HMGA2: variants seen among roughly 807,000 people sequenced by gnomAD.
HMGA2 encodes the protein high mobility group protein HMGI-C.
HMGA2 carries 8 observed loss-of-function variants against 19.1 expected under a neutral mutation model. The ratio of observed to expected loss-of-function variants is 0.42; its 90% CI spans 0.25 to 0.76. HMGA2 has a LOEUF of 0.76. Among genes scored for constraint, HMGA2 ranks in the 30% least tolerant of loss-of-function variants. The probability of loss-of-function intolerance (pLI) is 0.28; values close to 1 mark genes in which losing one functional copy is unlikely to be tolerated. For missense variants in HMGA2, 109 were observed against 136.3 expected, an observed-to-expected ratio of 0.80 and a Z score of 1.00; for synonymous variants, 60 against 48.8, an observed-to-expected ratio of 1.23 and a Z score of -0.96.
intron 3 of HMGA2, among the ~76,000 whole-genome samples, chr12:65,932,894 A>G (rs1337005292): frequency 6.6e-6 from 1 of 152,318 alleles, no homozygotes; most frequent in East Asian, 1.9e-4. Context: ...TATAAAAAAC[A>G]ATTATTGCAA....
chr12:65,932,375 AAGCATC>A (rs1875745504), intron 3 of HMGA2, among the ~76,000 whole-genome samples: 2 of 152,266 alleles, frequency 1.3e-5, no homozygotes, highest in African/African-American at 4.8e-5. Flanking sequence ...TTGTTAACAT[AAGCATC>A]ACTAGACTTG....
intron 3 of HMGA2, among the ~76,000 whole-genome samples, chr12:65,846,186 C>T (rs1229322956): frequency 6.6e-6 from 1 of 152,208 alleles, no homozygotes; most frequent in Non-Finnish European, 1.5e-5. Flanking sequence ...TTCATTCTTA[C>T]AATAAACGTG....
chr12:65,958,985 TC>T (rs1416898601), intron 4 of HMGA2: 1 of 152,228 alleles, frequency 6.6e-6, no homozygotes, highest in African/African-American at 2.4e-5. Flanking sequence ...CATTTAGAAT[TC>T]ACTGGCCTCT....
chr12:65,929,056 G>A (rs1037469403), intron 3 of HMGA2, among the ~76,000 whole-genome samples: 1 of 152,060 alleles, frequency 6.6e-6, no homozygotes. Flanking sequence ...CAAACTTTTA[G>A]AATCGCAATT....
intron 3 of HMGA2, among the ~76,000 whole-genome samples, chr12:65,883,154 A>G (rs1014162585): frequency 1.3e-5 from 2 of 152,234 alleles, no homozygotes; most frequent in African/African-American, 4.8e-5. Flanking sequence ...ACTTCCTAAG[A>G]GGCTGAAGGC....
At chr12:65,898,428 C>T (rs976631407) in intron 3 of HMGA2, among the ~76,000 whole-genome samples, 1 of 152,110 alleles carries the variant, frequency 6.6e-6, no homozygotes, top group Non-Finnish European at 1.5e-5. Flanking sequence ...TTCCCAGCCT[C>T]AAGGAAATCT....
intron 3 of HMGA2, among the ~76,000 whole-genome samples, chr12:65,940,438 C>T (rs2121290986): frequency 6.6e-6 from 1 of 152,156 alleles, no homozygotes; most frequent in Non-Finnish European, 1.5e-5. Flanking sequence ...TAGAAACATT[C>T]TTTTGAACTA....
rs552619480 is a variant in HMGA2, at chr12:65,828,009, C to T, written c.120C>T (p.Thr40=). 4 of 1,612,364 alleles carry T rather than the reference C, an allele frequency of 2.5e-6. No individual in the cohort carries two copies. Among genetic ancestry groups the T allele is most frequent in the Middle Eastern group, 1.7e-4 (1 of 6,058 alleles). ...TTTTCCCTCACAATTAGGAACCAAC[C>T]GGTGAGCCCTCTCCTAAGAGACCCA... ...GRPRKQQQEP[T]GEPSPKRPRG... Residue 40 remains threonine (T), a synonymous_variant, in exon 2 of 5, where the codon ACC becomes ACT. Transcript: ENST00000403681.
intron 2 of HMGA2, among the ~76,000 whole-genome samples, chr12:65,834,454 G>C (rs1199333265): frequency 6.6e-6 from 1 of 152,160 alleles, no homozygotes. Context: ...CTAGAATTCT[G>C]ATGATAAGAG....
At chr12:65,929,034 G>A (rs1191689760) in intron 3 of HMGA2, among the ~76,000 whole-genome samples, 1 of 152,058 alleles carries the variant, frequency 6.6e-6, no homozygotes, top group Non-Finnish European at 1.5e-5. Context: ...TTAAGAATTG[G>A]TCTATGCACA....
At chr12:65,882,605 C>A (rs1376453451) in intron 3 of HMGA2, among the ~76,000 whole-genome samples, 2 of 152,192 alleles carry the variant, frequency 1.3e-5, no homozygotes, top group African/African-American at 2.4e-5. Flanking sequence ...AATAGTGTAA[C>A]CCTGGACAAG....
At position 65,849,736 on chromosome 12, in the gene HMGA2, A is replaced by ATTTTTTTTTTTTTTTTTTTTTT. The variant is rs34541445; in HGVS notation, c.249+11170_249+11191dup. On this transcript the variant is annotated intron_variant, in intron 3 of 4. Transcript: ENST00000403681. Reference sequence around the variant, plus strand: ...AAACCAAGACAATGGTAGGCTCTGTATTTTTTTTTTTTTTTTTTTTTTTTG... The same window carrying ATTTTTTTTTTTTTTTTTTTTTT: ...AAACCAAGACAATGGTAGGCTCTGTATTTTTTTTTTTTTTTTTTTTTTTTTTTTTTTTTTTTTTTTTTTTTTG... Among the ~76,000 whole-genome samples the ATTTTTTTTTTTTTTTTTTTTTT allele has an allele frequency of 4.0e-4, 34 of 85,118 alleles. 5 individuals are homozygous for ATTTTTTTTTTTTTTTTTTTTTT. The highest frequency in any genetic ancestry group is 1.7e-3 in the African/African-American group (31 of 18,526). The allele number at this position is 85,118 out of a possible 152,430, so 55.8% of individuals were successfully genotyped here. A position where few individuals can be genotyped will look rare whatever the true frequency, so the allele number is the denominator to read the frequency against.
intron 3 of HMGA2, among the ~76,000 whole-genome samples, chr12:65,885,707 A>G (rs1357152822): frequency 6.6e-6 from 1 of 152,192 alleles, no homozygotes; most frequent in Non-Finnish European, 1.5e-5. Context: ...CCTTTGGTAA[A>G]AGTAGTTTTA....
chr12:65,900,775 A>G (rs1226185875), intron 3 of HMGA2, among the ~76,000 whole-genome samples: 2 of 152,196 alleles, frequency 1.3e-5, no homozygotes, highest in Admixed American at 6.5e-5. Context: ...CAAACAGGCC[A>G]TTGTTTTGAA....
intron 3 of HMGA2, among the ~76,000 whole-genome samples, chr12:65,902,524 C>G (rs975368408): frequency 2.6e-4 from 40 of 152,102 alleles, no homozygotes; most frequent in African/African-American, 8.4e-4. Context: ...AGAAAACAAC[C>G]AAAAATTATA....
At chr12:65,874,438 G>A (rs1302826697) in intron 3 of HMGA2, among the ~76,000 whole-genome samples, 1 of 152,076 alleles carries the variant, frequency 6.6e-6, no homozygotes, top group Non-Finnish European at 1.5e-5. Flanking sequence ...TCTTTTCAGT[G>A]GTAACGAATT....
intron 4 of HMGA2, chr12:65,952,388 G>C (rs772483545): frequency 6.5e-7 from 1 of 1,534,776 alleles, no homozygotes; most frequent in African/African-American, 1.4e-5. Context: ...AGGACCACCC[G>C]GGCAATCTTA....
intron 3 of HMGA2, among the ~76,000 whole-genome samples, chr12:65,903,453 G>T (rs1874456379): frequency 6.6e-6 from 1 of 152,124 alleles, no homozygotes; most frequent in Admixed American, 6.6e-5. Context: ...ACAGTAAAAG[G>T]ATCTGAGTGG....
chr12:65,946,916 T>G (rs1876284862), intron 3 of HMGA2, among the ~76,000 whole-genome samples: 1 of 152,216 alleles, frequency 6.6e-6, no homozygotes, highest in Non-Finnish European at 1.5e-5. Context: ...TTCTACAGTT[T>G]CTTAGCATGT....
Sources: gnomAD v4.1 joint callset for allele counts (sites outside exome capture counted in the v4.1 genomes callset) on GRCh38, gnomAD v4.1.1 for gene constraint, MANE v1.5 for transcripts, NCBI Gene and HGNC (gene_info 2026-07-23, HGNC 2026-07-21) for gene names.